The following FAM162B variants were observed in gnomAD, a reference collection of about 807,000 sequenced individuals.
The protein encoded by FAM162B is protein FAM162B.
Under a neutral mutation model 20.0 loss-of-function variants are expected in FAM162B, and 16 were observed. The observed-to-expected ratio is 0.80, with a 90% CI of 0.54 to 1.21. FAM162B has a LOEUF of 1.21. FAM162B is among the 50% of genes most tolerant of loss of function. The pLI is 0.00. For synonymous variants in FAM162B, 83 were observed against 89.7 expected, an observed-to-expected ratio of 0.93 and a Z score of 0.42; for missense variants, 260 against 227.5, an observed-to-expected ratio of 1.14 and a Z score of -0.92.
In FAM162B at chr6:116,765,250, T is replaced by A; in HGVS notation, c.178A>T (p.Ile60Phe). Reference protein sequence around the residue: ...SNSGPQGHGEIHRVPTQRRPS... With the variant: ...SNSGPQGHGEFHRVPTQRRPS... ...CTGCGCTGCGTGGGGACTCGGTGAATCTCCCCTGCAGCGAAAGCAACCCAG... is the reference window on the plus strand; with the variant it reads ...CTGCGCTGCGTGGGGACTCGGTGAAACTCCCCTGCAGCGAAAGCAACCCAG... The change falls in exon 2 of 4, where the codon ATT becomes TTT. Residue 60 changes from isoleucine (I) to phenylalanine (F), a missense_variant. Coordinates refer to ENST00000368557, the MANE Select transcript of FAM162B (RefSeq NM_001085480.3). 1 of 1,613,486 alleles carries A rather than the reference T, an allele frequency of 6.2e-7. No individual in the cohort carries two copies. The highest frequency in any genetic ancestry group is 8.5e-7 in the Non-Finnish European group (1 of 1,179,850).
chr6:116,759,305 T>C (rs1323247469), intron 3 of FAM162B, among the ~76,000 whole-genome samples: 3 of 150,460 alleles, frequency 2.0e-5, no homozygotes, highest in Non-Finnish European at 4.4e-5. Context: ...CTTTCTTTTT[T>C]TTTTTTTTTT....
At chr6:116,757,374 TTAAA>T (rs1780062470) in intron 3 of FAM162B, among the ~76,000 whole-genome samples, 1 of 152,220 alleles carries the variant, frequency 6.6e-6, no homozygotes, top group South Asian at 2.1e-4. Flanking sequence ...TGAAAATATG[TTAAA>T]TATATAATAC....
chr6:116,752,731 T>TATATATATATATATATATATATAG lies in FAM162B; in HGVS notation c.391-37_391-36insCTATATATATATATATATATATAT, dbSNP rs1554259842. 9 of 426,154 alleles carry TATATATATATATATATATATATAG rather than the reference T, an allele frequency of 2.1e-5. No individual in the cohort carries two copies. In the African/African-American group the frequency reaches 2.4e-4, roughly 12 times the overall value. 26.4% of individuals were successfully genotyped at this position (426,154 alleles called of 1,614,324 possible). A position where few individuals can be genotyped will look rare whatever the true frequency, so the allele number is the denominator to read the frequency against. ...GAAGAAATATATATATATATATATA[T>TATATATATATATATATATATATAG]ATAGATACACGTATATATATATATA... On this transcript the variant is annotated intron_variant, in intron 3 of 3. Coordinates refer to ENST00000368557, the MANE Select transcript of FAM162B (RefSeq NM_001085480.3).
chr6:116,754,220 T>C (rs1040294182), intron 3 of FAM162B, among the ~76,000 whole-genome samples: 4 of 152,132 alleles, frequency 2.6e-5, no homozygotes, highest in Non-Finnish European at 5.9e-5. Context: ...CCAAATTCCT[T>C]TATAATCCAG....
rs766536646 is a variant in FAM162B at position 116,765,505 on chromosome 6, A to G, written c.72T>C (p.Pro24=). ...GLTVRCGPGA[P]LEATRRPAPA... is the part of the protein sequence containing the mutation. ...GTGCGGGCCGTCGCGTGGCCTCGAG[A>G]GGCGCCCCGGGGCCGCAGCGGACTG... Residue 24 remains proline, a synonymous_variant, in exon 1 of 4, where the codon CCT becomes CCC. Transcript: ENST00000368557. 2.4e-4 allele frequency: 334 copies of G among 1,401,094 alleles called. No homozygotes were observed. Among genetic ancestry groups the G allele is most frequent in the Non-Finnish European group, 2.9e-4 (312 of 1,084,492 alleles). 86.8% of individuals were successfully genotyped at this position (1,401,094 alleles called of 1,614,324 possible). A position where few individuals can be genotyped will look rare whatever the true frequency, so the allele number is the denominator to read the frequency against.
At chr6:116,761,846 AT>A (rs1408007940) in intron 3 of FAM162B, 130 bp downstream of exon 3, 3 of 566,488 alleles carry the variant, frequency 5.3e-6, no homozygotes, top group Non-Finnish European at 9.2e-6. Flanking sequence ...TGTCCATGAC[AT>A]TTCTTAAAAT....
intron 3 of FAM162B, among the ~76,000 whole-genome samples, chr6:116,759,983 C>T (rs1048755506): frequency 6.6e-6 from 1 of 152,154 alleles, no homozygotes; most frequent in Non-Finnish European, 1.5e-5. Flanking sequence ...ACTATTTTAT[C>T]ATCCTGTTCC....
At chr6:116,754,935 C>T (rs1185272274) in intron 3 of FAM162B, among the ~76,000 whole-genome samples, 2 of 152,114 alleles carry the variant, frequency 1.3e-5, no homozygotes, top group East Asian at 3.8e-4. Flanking sequence ...TATAAGACAG[C>T]TAACTTAATT....
At position 116,762,026 on chromosome 6, in the gene FAM162B, A is replaced by G. The variant is rs188027180; in HGVS notation, c.341T>C (p.Ile114Thr). 86 of 1,603,338 alleles carry G rather than the reference A, an allele frequency of 5.4e-5. 1 individual carries two copies. The highest frequency in any genetic ancestry group is 5.1e-4 in the South Asian group (46 of 90,058). ...KARVKACYIM[I>T]GLTIIACFAV... Reference sequence around the variant, plus strand: ...AAAGCAGGCGATAATTGTGAGTCCAATCATTATGTAACAAGCTTTCACTCG... The same window carrying G: ...AAAGCAGGCGATAATTGTGAGTCCAGTCATTATGTAACAAGCTTTCACTCG... Residue 114 changes from isoleucine to threonine, a missense_variant, in exon 3 of 4, where the codon ATT becomes ACT. Ile to Thr is a moderately conservative substitution (Grantham distance 89). Transcript: ENST00000368557.
intron 3 of FAM162B, among the ~76,000 whole-genome samples, chr6:116,759,294 T>C (rs1392588891): frequency 6.8e-6 from 1 of 146,892 alleles, no homozygotes; most frequent in African/African-American, 2.6e-5. Context: ...TTCTAATCTT[T>C]CTTTCTTTTT....
chr6:116,759,088 A>G (rs911596172), intron 3 of FAM162B, among the ~76,000 whole-genome samples: 1 of 152,136 alleles, frequency 6.6e-6, no homozygotes, highest in Non-Finnish European at 1.5e-5. Context: ...TGTCAACTTT[A>G]TAGACTTAGA....
In FAM162B at chr6:116,753,061, TAG is replaced by T. The variant is rs574102394; in HGVS notation, c.391-368_391-367del. Among the ~76,000 whole-genome samples, 564 of 152,108 alleles carry T rather than the reference TAG, an allele frequency of 3.7e-3. 4 individuals are homozygous for T. Among genetic ancestry groups the T allele is most frequent in the African/African-American group, 0.013 (552 of 41,510 alleles). On this transcript the variant is annotated intron_variant, in intron 3 of 3. Transcript: ENST00000368557. ...CATCTCACATTTAATATAGCCAAAA[TAG>T]AGAGTTGACATATTTTGTTCCCCCT...
chr6:116,763,363 A>AT (rs554569641), intron 2 of FAM162B, among the ~76,000 whole-genome samples: 57 of 152,294 alleles, frequency 3.7e-4, no homozygotes, highest in African/African-American at 1.3e-3. Flanking sequence ...CTTGTTCATT[A>AT]TATGTCCATT....
Position 116,752,592 on chromosome 6 carries a change from G to T in FAM162B, c.*5C>A, listed in dbSNP as rs2114544983. The T allele has an allele frequency of 1.3e-6, 2 of 1,561,488 alleles. No individual in the cohort carries two copies. Among genetic ancestry groups the T allele is most frequent in the South Asian group, 1.2e-5 (1 of 83,386 alleles). On this transcript the variant is annotated 3_prime_UTR_variant, in exon 4 of 4. Coordinates refer to ENST00000368557, the MANE Select transcript of FAM162B (RefSeq NM_001085480.3). The stretch of plus-strand genomic sequence containing the variant: ...ATTCAGGTGAACACTTTGTCACTTA[G>T]AATATCATTTAGCTTTAGCCTGTGC...
intron 3 of FAM162B, among the ~76,000 whole-genome samples, chr6:116,760,490 A>C (rs1477407449): frequency 3.3e-5 from 5 of 152,206 alleles, no homozygotes; most frequent in Non-Finnish European, 1.5e-5. Flanking sequence ...TATGATTTAA[A>C]AACATTAAAG....
intron 3 of FAM162B, among the ~76,000 whole-genome samples, chr6:116,754,583 G>C (rs1227055865): frequency 1.3e-5 from 2 of 152,142 alleles, no homozygotes; most frequent in Non-Finnish European, 2.9e-5. Flanking sequence ...TCTATGTCAG[G>C]AGTTGGAGAT....
At position 116,765,275 on chromosome 6, in the gene FAM162B, G is replaced by C; in HGVS notation, c.173-20C>G. 4 of 1,610,966 alleles carry C rather than the reference G, an allele frequency of 2.5e-6. No individual in the cohort carries two copies. Among genetic ancestry groups the C allele is most frequent in the Non-Finnish European group, 3.4e-6 (4 of 1,178,260 alleles). On this transcript the variant is annotated intron_variant, in intron 1 of 3. Transcript: ENST00000368557. ...TCTCCCCTGCAGCGAAAGCAACCCA[G>C]ATGGACGCGGGAACTGACGCACCGG...
chr6:116,759,004 A>AT (rs1217365766), intron 3 of FAM162B, among the ~76,000 whole-genome samples: 1 of 152,058 alleles, frequency 6.6e-6, no homozygotes, highest in Non-Finnish European at 1.5e-5. Flanking sequence ...TATTTTGCTT[A>AT]TTTTTCTATA....
chr6:116,765,548 C>A lies in FAM162B; in HGVS notation c.29G>T (p.Arg10Leu). The A allele has an allele frequency of 1.4e-6, 2 of 1,384,480 alleles. No individual in the cohort carries two copies. Among genetic ancestry groups the A allele is most frequent in the Non-Finnish European group, 1.9e-6 (2 of 1,077,864 alleles). The allele number at this position is 1,384,480 out of a possible 1,614,324, so 85.8% of individuals were successfully genotyped here. A position where few individuals can be genotyped will look rare whatever the true frequency, so the allele number is the denominator to read the frequency against. MLRAVGSLLRLGRGLTVRCG... is the reference protein window; with the variant it reads MLRAVGSLLLLGRGLTVRCG... Reference sequence around the variant, plus strand: ...GCGGACTGTTAGCCCGCGGCCAAGGCGCAGTAGGCTCCCGACCGCCCTGAG... The same window carrying A: ...GCGGACTGTTAGCCCGCGGCCAAGGAGCAGTAGGCTCCCGACCGCCCTGAG... The change falls in exon 1 of 4, where the codon CGC becomes CTC. Residue 10 changes from arginine (R) to leucine (L), a missense_variant. Physicochemically the swap from Arg to Leu is moderately radical, Grantham distance 102. Transcript: ENST00000368557.
Sources: allele counts gnomAD v4.1 joint callset (sites outside exome capture counted in the v4.1 genomes callset), GRCh38; gene constraint gnomAD v4.1.1; transcripts MANE v1.5; gene names NCBI Gene and HGNC (gene_info 2026-07-23, HGNC 2026-07-21).